Variants in FAAH2 observed in about 807,000 individuals in gnomAD.
FAAH2 encodes the protein fatty-acid amide hydrolase 2.
Under a neutral mutation model 36.9 loss-of-function variants are expected in FAAH2, and 60 were observed. That is an observed-to-expected ratio of 1.63 (90% CI 1.32 to 2.02). The LOEUF (loss-of-function observed/expected upper bound fraction) is 2.02, where lower values mean the gene tolerates loss of function less well. Ranked by LOEUF, FAAH2 falls within the 30% of genes most tolerant of loss-of-function variation. The pLI, the probability that FAAH2 is intolerant of heterozygous loss-of-function variation, is 0.00. For missense variants in FAAH2, 689 were observed against 397.5 expected (o/e 1.73, Z -6.23); for synonymous variants, 214 against 143.8 (o/e 1.49, Z -3.49).
chrX:57,212,568 T>TA, the FAAH2 span, among the ~76,000 whole-genome samples: 1 of 112,450 alleles, frequency 8.9e-6, no homozygotes, highest in Non-Finnish European at 1.9e-5. Flanking sequence ...TTGAAGAAAT[T>TA]AAAAAATATA....
chrX:57,420,441 T>C (rs1345360947), intron 7 of FAAH2, among the ~76,000 whole-genome samples: 4 of 111,880 alleles, frequency 3.6e-5, no homozygotes, highest in South Asian at 7.5e-4. Flanking sequence ...TTCACATCCC[T>C]TGTAAGTTGG....
the FAAH2 span, among the ~76,000 whole-genome samples, chrX:57,173,711 A>T: frequency 9.0e-6 from 1 of 111,672 alleles, no homozygotes; most frequent in African/African-American, 3.3e-5. Context: ...TGGGTTTGTC[A>T]TATGGTTTTT....
chrX:57,339,591 G>A (rs1303778686), intron 4 of FAAH2, among the ~76,000 whole-genome samples: 1 of 111,602 alleles, frequency 9.0e-6, no homozygotes, highest in Non-Finnish European at 1.9e-5. Context: ...AGTAGGCAAA[G>A]GACATGACCA....
In FAAH2 at chrX:57,488,855, A is replaced by C; in HGVS notation, c.1522A>C (p.Asn508His). 8 of 1,210,815 alleles carry C rather than the reference A, an allele frequency of 6.6e-6. No individual in the cohort carries two copies. The highest frequency in any genetic ancestry group is 6.7e-6 in the Non-Finnish European group (6 of 895,248). Residue 508 changes from asparagine to histidine, a missense_variant, in exon 11 of 11, where the codon AAT (asparagine) becomes CAT (histidine). Asn to His is a moderately conservative substitution (Grantham distance 68, BLOSUM62 1). Coordinates refer to ENST00000374900, the MANE Select transcript of FAAH2 (RefSeq NM_174912.4). ...LGIQVVAGPF[N>H]DHLTLAVAQY... ...CATCCAGGTTGTGGCTGGACCCTTT[A>C]ATGATCATCTGACCCTGGCTGTGGC...
chrX:57,178,877 C>G, the FAAH2 span, among the ~76,000 whole-genome samples: 1 of 111,765 alleles, frequency 8.9e-6, no homozygotes, highest in African/African-American at 3.3e-5. Flanking sequence ...AGCTTTTTAA[C>G]CAAGACAGAA....
chrX:57,193,241 C>T, the FAAH2 span, among the ~76,000 whole-genome samples: 1 of 111,605 alleles, frequency 9.0e-6, no homozygotes, highest in Admixed American at 9.5e-5. Context: ...ATGGTCGAAA[C>T]TGTAGGGATG....
At chrX:57,451,945 CAAT>C (rs1460482823) in intron 10 of FAAH2, among the ~76,000 whole-genome samples, 5 of 112,593 alleles carry the variant, frequency 4.4e-5, no homozygotes, top group Non-Finnish European at 5.6e-5. Context: ...ATGCAATCAA[CAAT>C]GTTTCATATC....
chrX:57,483,816 G>C (rs1372957430), intron 10 of FAAH2, among the ~76,000 whole-genome samples: 5 of 68,749 alleles, frequency 7.3e-5, no homozygotes, highest in African/African-American at 3.3e-4. Flanking sequence ...TTTTTGAGAC[G>C]GAGTTTCGCT....
At chrX:57,232,037 T>A in the FAAH2 span, among the ~76,000 whole-genome samples, 1 of 111,512 alleles carries the variant, frequency 9.0e-6, no homozygotes, top group African/African-American at 3.3e-5. Context: ...AGGGGCCCTC[T>A]TGGAATATAA....
the FAAH2 span, among the ~76,000 whole-genome samples, chrX:57,236,803 G>A: frequency 9.0e-6 from 1 of 111,405 alleles, no homozygotes; most frequent in Non-Finnish European, 1.9e-5. Context: ...CATTCTGTAA[G>A]TTGCCTCTTT....
At chrX:57,392,510 T>A in intron 7 of FAAH2, 1 of 726,539 alleles carries the variant, frequency 1.4e-6, no homozygotes, top group Non-Finnish European at 2.1e-6. Context: ...CCGGGAAAAC[T>A]CCTACTATTA....
At chrX:57,438,961 A>G (rs1333323210) in intron 8 of FAAH2, among the ~76,000 whole-genome samples, 1 of 110,817 alleles carries the variant, frequency 9.0e-6, no homozygotes, top group Non-Finnish European at 1.9e-5. Context: ...ATAGTATTCC[A>G]TGGTGTATAG....
chrX:57,135,048 G>T, the FAAH2 span: 1 of 111,137 alleles, frequency 9.0e-6, no homozygotes, highest in East Asian at 2.8e-4. Context: ...TGGGCCTTCC[G>T]ATCTCTCATG....
At chrX:57,322,238 C>T (rs1177005024) in intron 3 of FAAH2, among the ~76,000 whole-genome samples, 2 of 111,562 alleles carry the variant, frequency 1.8e-5, no homozygotes, top group Non-Finnish European at 3.8e-5. Context: ...GATCCGCGCT[C>T]CTCGGCCTCC....
At chrX:57,407,594 G>A (rs2055598855) in intron 7 of FAAH2, among the ~76,000 whole-genome samples, 1 of 111,448 alleles carries the variant, frequency 9.0e-6, no homozygotes, top group Non-Finnish European at 1.9e-5. Context: ...AGAGTTTTTG[G>A]CACTCTTCCC....
the FAAH2 span, among the ~76,000 whole-genome samples, chrX:57,229,729 A>G: frequency 9.0e-6 from 1 of 110,832 alleles, no homozygotes; most frequent in Non-Finnish European, 1.9e-5. Context: ...ATGACACCAA[A>G]CCCCCACTTT....
chrX:57,276,214 A>G, the FAAH2 span, among the ~76,000 whole-genome samples: 1 of 112,227 alleles, frequency 8.9e-6, no homozygotes, highest in Non-Finnish European at 1.9e-5. Flanking sequence ...AGAAATCATA[A>G]CAATCTGTCT....
the FAAH2 span, among the ~76,000 whole-genome samples, chrX:57,241,071 C>A: frequency 2.7e-5 from 3 of 112,151 alleles, no homozygotes; most frequent in Non-Finnish European, 5.6e-5. Flanking sequence ...AGGCTGGAGC[C>A]CTGTCCCTGC....
At chrX:57,276,880 A>G in the FAAH2 span, among the ~76,000 whole-genome samples, 8 of 111,624 alleles carry the variant, frequency 7.2e-5, no homozygotes, top group Admixed American at 1.9e-4. Context: ...ACCAGGAAAA[A>G]GTTCAATCTC....
Sources: allele counts gnomAD v4.1 joint callset (sites outside exome capture counted in the v4.1 genomes callset), GRCh38; gene constraint gnomAD v4.1.1; transcripts MANE v1.5; gene names NCBI Gene and HGNC (gene_info 2026-07-23, HGNC 2026-07-21).